DPYD: variants seen among roughly 807,000 people sequenced by gnomAD.
DPYD encodes dihydropyrimidine dehydrogenase, also known as dihydropyrimidine dehydrogenase [NADP(+)].
A neutral mutation model predicts 116.2 loss-of-function variants in DPYD; 109 were observed. The ratio of observed to expected loss-of-function variants is 0.94; its 90% CI spans 0.80 to 1.10. The LOEUF (loss-of-function observed/expected upper bound fraction) is 1.10, where lower values mean the gene tolerates loss of function less well. DPYD is among the 50% of genes least tolerant of loss of function. The pLI is 0.00. For missense variants in DPYD, 1,302 were observed against 1,254.5 expected (o/e 1.04, Z -0.57); for synonymous variants, 440 against 432.0 (o/e 1.02, Z -0.23).
At chr1:97,726,816 T>C (rs1266505286) in intron 4 of DPYD, among the ~76,000 whole-genome samples, 2 of 151,376 alleles carry the variant, frequency 1.3e-5, no homozygotes, top group African/African-American at 2.4e-5. Flanking sequence ...AGATTGCACA[T>C]AAAATGATAT....
At chr1:97,800,852 T>C (rs538497969) in intron 3 of DPYD, among the ~76,000 whole-genome samples, 1 of 152,108 alleles carries the variant, frequency 6.6e-6, no homozygotes, top group South Asian at 2.1e-4. Context: ...CTGTTGTTTC[T>C]TGGAGCCTCC....
chr1:97,801,877 T>C (rs1215908779), intron 3 of DPYD, among the ~76,000 whole-genome samples: 2 of 151,976 alleles, frequency 1.3e-5, no homozygotes, highest in Admixed American at 1.3e-4. Flanking sequence ...AATTGTTTAA[T>C]TTAAAATGTG....
chr1:97,830,707 CAA>C (rs759967010), intron 2 of DPYD, among the ~76,000 whole-genome samples: 18 of 105,674 alleles, frequency 1.7e-4, no homozygotes, highest in African/African-American at 1.7e-4. Flanking sequence ...GACTCCATCT[CAA>C]AAAAAAAAAA....
At chr1:97,435,545 T>C (rs1675423556) in intron 14 of DPYD, among the ~76,000 whole-genome samples, 1 of 151,970 alleles carries the variant, frequency 6.6e-6, no homozygotes, top group Non-Finnish European at 1.5e-5. Flanking sequence ...TGATTTACAA[T>C]TAATTGGATC....
chr1:97,769,036 A>T (rs1300495814), intron 3 of DPYD, among the ~76,000 whole-genome samples: 1 of 152,072 alleles, frequency 6.6e-6, no homozygotes, highest in Non-Finnish European at 1.5e-5. Context: ...TCCATATGAG[A>T]TTACAAAAAG....
chr1:97,241,032 G>A (rs932207305), intron 18 of DPYD, among the ~76,000 whole-genome samples: 10 of 151,884 alleles, frequency 6.6e-5, no homozygotes, highest in Admixed American at 5.9e-4. Context: ...ATTATTTGAT[G>A]TTATTTTAGT....
intron 8 of DPYD, among the ~76,000 whole-genome samples, chr1:97,618,847 C>G (rs1043960490): frequency 6.6e-6 from 1 of 152,126 alleles, no homozygotes; most frequent in African/African-American, 2.4e-5. Flanking sequence ...TTGCCCATAG[C>G]TTAATATGGA....
chr1:97,672,577 A>T (rs1659927033), intron 8 of DPYD, among the ~76,000 whole-genome samples: 1 of 152,230 alleles, frequency 6.6e-6, no homozygotes, highest in Non-Finnish European at 1.5e-5. Flanking sequence ...TTTATTTTTT[A>T]AAATAATCTA....
chr1:97,123,334 A>G (rs1458698459), intron 20 of DPYD, among the ~76,000 whole-genome samples: 2 of 152,116 alleles, frequency 1.3e-5, no homozygotes, highest in Admixed American at 6.6e-5. Context: ...TGCTTCTAAC[A>G]TTAAGGTTAA....
intron 10 of DPYD, among the ~76,000 whole-genome samples, chr1:97,588,943 C>T (rs928266217): frequency 2.0e-5 from 3 of 152,160 alleles, no homozygotes; most frequent in African/African-American, 7.2e-5. Context: ...AGCTGGAAAG[C>T]ATGTTGATGA....
In DPYD at chr1:97,442,108, T is replaced by C. The variant is rs1256091987; in HGVS notation, c.1905+7951A>G. 4.6e-5 allele frequency among the ~76,000 whole-genome samples: 7 copies of C among 152,100 alleles called. 1 individual carries two copies. The highest frequency in any genetic ancestry group is 1.0e-4 in the Non-Finnish European group (7 of 68,020). On this transcript the variant is annotated intron_variant, in intron 14 of 22. Transcript: ENST00000370192. ...CATGCATGAGCTGATCTGTACTCAG[T>C]GCTGCATACTCAAGAGAACACCTGC...
chr1:97,289,157 T>C (rs1665949175), intron 18 of DPYD, among the ~76,000 whole-genome samples: 1 of 152,192 alleles, frequency 6.6e-6, no homozygotes, highest in Non-Finnish European at 1.5e-5. Context: ...AATCTCTGAA[T>C]AGAGCAATAA....
chr1:97,439,819 A>T (rs1294584208), intron 14 of DPYD, among the ~76,000 whole-genome samples: 1 of 151,624 alleles, frequency 6.6e-6, no homozygotes, highest in Non-Finnish European at 1.5e-5. Context: ...TTAACTTGAG[A>T]CTTTTTTTCA....
chr1:97,397,274 T>C (rs1438284348), intron 14 of DPYD, among the ~76,000 whole-genome samples: 7 of 151,976 alleles, frequency 4.6e-5, no homozygotes, highest in Admixed American at 4.6e-4. Flanking sequence ...AGTAGTTATG[T>C]AGTCATGTAG....
At chr1:97,733,457 G>T (rs1663748530) in intron 4 of DPYD, among the ~76,000 whole-genome samples, 1 of 151,816 alleles carries the variant, frequency 6.6e-6, no homozygotes, top group Non-Finnish European at 1.5e-5. Context: ...TTTTCTAAAA[G>T]TAGTGTCATA....
intron 13 of DPYD, among the ~76,000 whole-genome samples, chr1:97,498,120 T>C (rs1229788373): frequency 6.6e-6 from 1 of 151,746 alleles, no homozygotes; most frequent in Non-Finnish European, 1.5e-5. Context: ...GGTAAATCCA[T>C]AGAGATAGAA....
chr1:97,333,908 T>C (rs1449084604), intron 16 of DPYD, among the ~76,000 whole-genome samples: 1 of 152,150 alleles, frequency 6.6e-6, no homozygotes, highest in Non-Finnish European at 1.5e-5. Context: ...CAGACAAAAA[T>C]GAGCATACCA....
rs189540419 is a variant in DPYD, at chr1:97,705,318, T to C, written c.484-5771A>G. Among the ~76,000 whole-genome samples, 743 of 152,188 alleles carry C rather than the reference T, an allele frequency of 4.9e-3. 2 individuals carry two copies. The highest frequency in any genetic ancestry group is 6.6e-3 in the Non-Finnish European group (446 of 68,000). On this transcript the variant is annotated intron_variant, in intron 5 of 22. Transcript: ENST00000370192. ...CAACAACAGTCCCCGGTGTGTGGTG[T>C]TCCCCTTCCTGTGTCCATGTGTTCT...
intron 8 of DPYD, among the ~76,000 whole-genome samples, chr1:97,645,227 G>A (rs943446915): frequency 1.3e-5 from 2 of 152,038 alleles, no homozygotes; most frequent in African/African-American, 2.4e-5. Context: ...TTTCCAAGAG[G>A]TGGAATTGAT....
Sources: gnomAD v4.1 joint callset for allele counts (sites outside exome capture counted in the v4.1 genomes callset) on GRCh38, gnomAD v4.1.1 for gene constraint, MANE v1.5 for transcripts, NCBI Gene and HGNC (gene_info 2026-07-23, HGNC 2026-07-21) for gene names.